TTYH1: variants seen among roughly 807,000 people sequenced by gnomAD.
The protein encoded by TTYH1 is tweety family member 1.
Under a neutral mutation model 61.2 loss-of-function variants are expected in TTYH1, and 33 were observed. The ratio of observed to expected loss-of-function variants is 0.54; its 90% confidence interval spans 0.41 to 0.72. The LOEUF (loss-of-function observed/expected upper bound fraction) is 0.72. TTYH1 is among the 30% of genes least tolerant of loss of function. The pLI, the probability that TTYH1 is intolerant of heterozygous loss-of-function variation, is 0.00. For synonymous variants in TTYH1, 308 were observed against 266.4 expected (o/e 1.16, Z -1.52); for missense variants, 538 against 575.8 (o/e 0.93, Z 0.67).
chr19:54,422,091 G>A (rs1351374594), intron 3 of TTYH1, 99 bp from the exon 4 acceptor site: 35 of 948,052 alleles, frequency 3.7e-5, no homozygotes, highest in Non-Finnish European at 4.4e-5. Flanking sequence ...TCAGACACCC[G>A]CTACTATGCA....
rs930771378 is a variant in TTYH1 at position 54,436,643 on chromosome 19, AC to A, written c.*358del. ...CCCTGCCACATCCCAGTGGGCTCTG[AC>A]CCCCTGATCTCAACTCGTGGCACTA... On this transcript the variant is annotated 3_prime_UTR_variant, in exon 14 of 14. Coordinates refer to ENST00000376530, the MANE Select transcript of TTYH1 (RefSeq NM_020659.4). This position sits in a 1 kb window ranked among gnomAD's most constrained non-coding sequence, Gnocchi z 4.3. 3.6e-6 allele frequency: 2 copies of A among 551,366 alleles called. No homozygotes were observed. The highest frequency in any genetic ancestry group is 3.8e-5 in the African/African-American group (2 of 53,208). 34.2% of individuals were successfully genotyped at this position (551,366 alleles called of 1,614,324 possible). A position where few individuals can be genotyped will look rare whatever the true frequency, so the allele number is the denominator to read the frequency against.
intron 4 of TTYH1, among the ~76,000 whole-genome samples, chr19:54,423,177 CAT>C (rs1000998223): frequency 2.0e-5 from 3 of 151,362 alleles, no homozygotes; most frequent in African/African-American, 7.3e-5. Context: ...ATCCGTGTGA[CAT>C]GTGTATTTGT....
rs548311814 is a variant in TTYH1, at chr19:54,435,736, C to A, written c.1268+52C>A. On this transcript the variant is annotated intron_variant, in intron 11 of 13. Coordinates refer to ENST00000376530, the MANE Select transcript of TTYH1 (RefSeq NM_020659.4). ...TGGGGAGGGAAGAGGAGGGGCAGCA[C>A]CTGGGGACCACGGTGGCAGTGGGGG... 2,060 of 1,611,124 alleles carry A rather than the reference C, an allele frequency of 1.3e-3. 28 individuals carry two copies. Among genetic ancestry groups the A allele is most frequent in the Non-Finnish European group, 1.4e-4 (169 of 1,178,926 alleles).
At chr19:54,430,630 G>C (rs966369558) in intron 8 of TTYH1, 25 bp downstream of exon 8, 1 of 1,612,708 alleles carries the variant, frequency 6.2e-7, no homozygotes, top group Admixed American at 1.7e-5. Flanking sequence ...CAGGGGAAAC[G>C]GGTGTTGAGG....
Position 54,420,978 on chromosome 19 carries a change from T to C in TTYH1, c.306-299T>C. ...GGCCCATCCCGGAGCTGGGTGTGAC[T>C]GGGGTTCTGCTCCAGGGAGGTGCGA... On this transcript the variant is annotated intron_variant, in intron 2 of 13. Coordinates refer to ENST00000376530, the MANE Select transcript of TTYH1 (RefSeq NM_020659.4). This position sits in a 1 kb window ranked among gnomAD's most constrained non-coding sequence, Gnocchi z 4.8. The C allele has an allele frequency of 2.1e-6, 1 of 470,792 alleles. No homozygotes were observed. Among genetic ancestry groups the C allele is most frequent in the South Asian group, 2.3e-5 (1 of 43,252 alleles). 29.2% of individuals were successfully genotyped at this position (470,792 alleles called of 1,614,324 possible). A position where few individuals can be genotyped will look rare whatever the true frequency, so the allele number is the denominator to read the frequency against.
Position 54,421,223 on chromosome 19 carries a change from G to C in TTYH1, c.306-54G>C. On this transcript the variant is annotated intron_variant, in intron 2 of 13. Coordinates refer to ENST00000376530, the MANE Select transcript of TTYH1 (RefSeq NM_020659.4). The surrounding 1 kb of genome is among the most constrained non-coding windows in gnomAD (Gnocchi z 4.8). ...AGGGGATGGGGTGGGAGGGGACGGT[G>C]GCCCCCGGGGTCCTGGGACCCGCTG... 8.2e-7 allele frequency: 1 copy of C among 1,217,624 alleles called. No homozygotes were observed. Among genetic ancestry groups the C allele is most frequent in the Admixed American group, 1.7e-5 (1 of 58,582 alleles). 75.4% of individuals were successfully genotyped at this position (1,217,624 alleles called of 1,614,324 possible).
At chr19:54,431,788 G>C (rs897651127) in intron 10 of TTYH1, 9 of 154,530 alleles carry the variant, frequency 5.8e-5, no homozygotes, top group African/African-American at 2.2e-4. Flanking sequence ...GGGCTCTGCC[G>C]CAGGCTGCAC....
At position 54,415,958 on chromosome 19, in the gene TTYH1, T is replaced by C; in HGVS notation, c.126+280T>C. The stretch of plus-strand genomic sequence containing the variant: ...GGAGAGGAGGGGAGGGGGGCCCGGA[T>C]TCCCGGGTGTCTGATACCTGCCTGG... On this transcript the variant is annotated intron_variant, in intron 1 of 13. Coordinates refer to ENST00000376530, the MANE Select transcript of TTYH1 (RefSeq NM_020659.4). This position sits in a 1 kb window ranked among gnomAD's most constrained non-coding sequence, Gnocchi z 5.2. 1 of 1,115,950 alleles carries C rather than the reference T, an allele frequency of 9.0e-7. No homozygotes were observed. Among genetic ancestry groups the C allele is most frequent in the Non-Finnish European group, 1.2e-6 (1 of 802,794 alleles). 69.1% of individuals were successfully genotyped at this position (1,115,950 alleles called of 1,614,324 possible).
intron 5 of TTYH1, among the ~76,000 whole-genome samples, chr19:54,428,589 C>T (rs1055828588): frequency 3.3e-5 from 5 of 152,148 alleles, no homozygotes; most frequent in Non-Finnish European, 7.3e-5. Flanking sequence ...TGCTCAGGGC[C>T]ACACAGCTAG....
Position 54,426,763 on chromosome 19 carries a change from G to A in TTYH1, c.729G>A (p.Val243=). ...LGLAKQSKWL[V]IVMTVMSLLV... ...TGGCGAAGCAGAGCAAGTGGCTGGT[G>A]ATCGTGTAAGTGCAGGCAGTAGGGG... is the stretch of plus-strand genomic sequence containing the variant. Residue 243 remains valine (V), a synonymous_variant, in exon 5 of 14, where the codon GTG becomes GTA. Transcript: ENST00000376530. 3.1e-6 allele frequency: 5 copies of A among 1,613,618 alleles called. No individual in the cohort carries two copies. The highest frequency in any genetic ancestry group is 4.2e-6 in the Non-Finnish European group (5 of 1,179,920).
intron 4 of TTYH1, among the ~76,000 whole-genome samples, chr19:54,423,119 A>T (rs1186752038): frequency 3.3e-5 from 5 of 150,932 alleles, no homozygotes; most frequent in African/African-American, 1.2e-4. Flanking sequence ...TCACTCTTGG[A>T]CTCAGTTACT....
chr19:54,425,021 G>A (rs1308754076), intron 4 of TTYH1, among the ~76,000 whole-genome samples: 4 of 152,176 alleles, frequency 2.6e-5, no homozygotes, highest in East Asian at 3.9e-4. Flanking sequence ...TGGGCCCTGC[G>A]GTGAGTGTTT....
At chr19:54,425,820 A>T (rs373054946) in intron 4 of TTYH1, among the ~76,000 whole-genome samples, 71 of 151,808 alleles carry the variant, frequency 4.7e-4, no homozygotes, top group African/African-American at 1.6e-3. Context: ...GGTTCAAATG[A>T]TTCTCCTGCC....
rs777256698 is a variant in TTYH1, at chr19:54,419,231, C to T, written c.230C>T (p.Pro77Leu). The T allele has an allele frequency of 5.0e-6, 8 of 1,609,770 alleles. No individual in the cohort carries two copies. The Admixed American group carries it at 6.7e-5, about 13-fold the overall frequency. Residue 77 changes from proline to leucine, a missense_variant, in exon 2 of 14, where the codon CCC (proline) becomes CTC (leucine). Transcript: ENST00000376530. The surrounding 1 kb of genome is among the most constrained non-coding windows in gnomAD (Gnocchi z 6.1). ...TTCTGCTGCTGCCGGCCCCCCGAGC[C>T]CCCCGGGTCCAAGATCCCCTCGCCC... ...IRFCCCRPPE[P>L]PGSKIPSPGG...
In TTYH1 at chr19:54,416,777, C is replaced by G. The variant is rs1282632135; in HGVS notation, c.126+1099C>G. On this transcript the variant is annotated intron_variant, in intron 1 of 13. Coordinates refer to ENST00000376530, the MANE Select transcript of TTYH1 (RefSeq NM_020659.4). The surrounding 1 kb of genome is among the most constrained non-coding windows in gnomAD (Gnocchi z 7.0). The stretch of plus-strand genomic sequence containing the variant: ...TCCCCACACACGGGGACCGCCGTCC[C>G]CTCGCCCACAGCCTCGCGGTTACAC... 2.3e-6 allele frequency: 3 copies of G among 1,293,520 alleles called. No individual in the cohort carries two copies. Among genetic ancestry groups the G allele is most frequent in the Non-Finnish European group, 3.0e-6 (3 of 988,704 alleles). 80.1% of individuals were successfully genotyped at this position (1,293,520 alleles called of 1,614,324 possible).
At chr19:54,435,156 C>G (rs995046187) in intron 10 of TTYH1, 1 of 193,652 alleles carries the variant, frequency 5.2e-6, no homozygotes, top group Non-Finnish European at 1.1e-5. Context: ...AGTAGCAGTT[C>G]TCACGTTCCT....
intron 8 of TTYH1, 79 bp downstream of exon 8, chr19:54,430,684 C>A: frequency 9.0e-7 from 1 of 1,105,486 alleles, no homozygotes; most frequent in Non-Finnish European, 1.4e-6. Context: ...GGGGCTGGGG[C>A]TGGGGCCTGG....
chr19:54,417,668 TAC>T (rs2083115666), intron 1 of TTYH1, among the ~76,000 whole-genome samples: 1 of 148,304 alleles, frequency 6.7e-6, no homozygotes, highest in Admixed American at 6.7e-5. Context: ...CACCGTCACA[TAC>T]ACGTTTATAC....
At position 54,429,193 on chromosome 19, in the gene TTYH1, C is replaced by T; in HGVS notation, c.735-114C>T. 1 of 933,572 alleles carries T rather than the reference C, an allele frequency of 1.1e-6. No individual in the cohort carries two copies. Among genetic ancestry groups the T allele is most frequent in the Non-Finnish European group, 1.7e-6 (1 of 584,144 alleles). 57.8% of individuals were successfully genotyped at this position (933,572 alleles called of 1,614,324 possible). On this transcript the variant is annotated intron_variant, in intron 5 of 13. Coordinates refer to ENST00000376530, the MANE Select transcript of TTYH1 (RefSeq NM_020659.4). This position sits in a 1 kb window ranked among gnomAD's most constrained non-coding sequence, Gnocchi z 5.1. ...TTGTGTTTCCCTAATTCTGATCCTC[C>T]AGGCTCCAGAGGTGGGTGGAGGTGG...
Sources: allele counts gnomAD v4.1 joint callset (sites outside exome capture counted in the v4.1 genomes callset), GRCh38; gene constraint gnomAD v4.1.1; non-coding constraint Gnocchi (gnomAD v3.1); transcripts MANE v1.5; gene names NCBI Gene and HGNC (gene_info 2026-07-23, HGNC 2026-07-21).